Variants in PCSK5 observed in about 807,000 individuals in gnomAD.
PCSK5 encodes the protein prohormone convertase 5.
In PCSK5, 129 loss-of-function variants were observed where a neutral mutation model predicts 233.2. The observed-to-expected ratio is 0.55, with a 90% confidence interval of 0.48 to 0.64. The LOEUF (loss-of-function observed/expected upper bound fraction) is 0.64, where lower values mean the gene tolerates loss of function less well. PCSK5 is among the 30% of genes least tolerant of loss of function. The pLI is 0.00. For missense variants in PCSK5, 2,076 were observed against 2,430.1 expected (o/e 0.85, Z 3.06); for synonymous variants, 825 against 879.2 (o/e 0.94, Z 1.09).
chr9:75,916,642 G>A (rs919093962), intron 1 of PCSK5, among the ~76,000 whole-genome samples: 2 of 152,102 alleles, frequency 1.3e-5, no homozygotes, highest in Non-Finnish European at 2.9e-5. Flanking sequence ...CAGCAAGTGC[G>A]AGGGTTCTGA....
At chr9:75,968,463 C>T (rs572532604) in intron 2 of PCSK5, among the ~76,000 whole-genome samples, 2 of 152,306 alleles carry the variant, frequency 1.3e-5, no homozygotes, top group South Asian at 4.1e-4. Context: ...CCTCTTTCTT[C>T]CAGAGGAATA....
chr9:76,084,426 G>A (rs542850191), intron 7 of PCSK5, among the ~76,000 whole-genome samples: 14 of 152,248 alleles, frequency 9.2e-5, no homozygotes, highest in Admixed American at 2.6e-4. Flanking sequence ...GTAACTGTGT[G>A]GGCAATTTAA....
chr9:75,896,032 A>G (rs1242743319), intron 1 of PCSK5, among the ~76,000 whole-genome samples: 1 of 151,904 alleles, frequency 6.6e-6, no homozygotes, highest in East Asian at 1.9e-4. Flanking sequence ...TAAACAGGAG[A>G]GTTAGTTGGT....
At chr9:76,024,798 G>C (rs1426618906) in intron 4 of PCSK5, among the ~76,000 whole-genome samples, 1 of 152,222 alleles carries the variant, frequency 6.6e-6, no homozygotes, top group Non-Finnish European at 1.5e-5. Context: ...GTGGGTAAGA[G>C]AGAAAGCACG....
chr9:75,980,447 A>C (rs549827769), intron 2 of PCSK5, among the ~76,000 whole-genome samples: 1 of 152,160 alleles, frequency 6.6e-6, no homozygotes, highest in Admixed American at 6.5e-5. Flanking sequence ...TCATGACCAG[A>C]TGTTTTCTCT....
intron 15 of PCSK5, among the ~76,000 whole-genome samples, chr9:76,180,104 TACAC>T (rs1554701032): frequency 1.0e-4 from 15 of 144,896 alleles, no homozygotes; most frequent in Non-Finnish European, 2.1e-4. Flanking sequence ...TATATATATA[TACAC>T]ACACACACAT....
intron 5 of PCSK5, among the ~76,000 whole-genome samples, chr9:76,047,824 A>T (rs1829477032): frequency 6.6e-6 from 1 of 152,228 alleles, no homozygotes; most frequent in Non-Finnish European, 1.5e-5. Context: ...ATGAAAATTC[A>T]TGAGTTTATT....
intron 20 of PCSK5, among the ~76,000 whole-genome samples, chr9:76,214,010 A>G (rs1825425476): frequency 6.6e-6 from 1 of 152,048 alleles, no homozygotes; most frequent in East Asian, 1.9e-4. Flanking sequence ...TCATACAGTG[A>G]GGCCACGGAG....
chr9:76,030,695 T>A (rs944835424), intron 5 of PCSK5, among the ~76,000 whole-genome samples: 1 of 152,216 alleles, frequency 6.6e-6, no homozygotes, highest in Non-Finnish European at 1.5e-5. Flanking sequence ...TGTATTATAA[T>A]ACAGACTATA....
intron 10 of PCSK5, among the ~76,000 whole-genome samples, chr9:76,148,359 CT>C (rs1232680632): frequency 7.5e-6 from 1 of 133,510 alleles, no homozygotes; most frequent in Non-Finnish European, 1.5e-5. Flanking sequence ...CTCCCTCTCT[CT>C]CCCTCTCTCT....
At position 76,161,728 on chromosome 9, in the gene PCSK5, C is replaced by A. The variant is rs375108776; in HGVS notation, c.1619+2557C>A. Among the ~76,000 whole-genome samples the A allele has an allele frequency of 2.3e-4, 35 of 152,356 alleles. 1 individual carries two copies. Among genetic ancestry groups the A allele is most frequent in the African/African-American group, 7.5e-4 (31 of 41,586 alleles). On this transcript the variant is annotated intron_variant, in intron 12 of 37. Coordinates refer to ENST00000674117, the MANE Select transcript of PCSK5 (RefSeq NM_001372043.1). The stretch of plus-strand genomic sequence containing the variant: ...AGCAGAGGAGCTATGGATTCCATCA[C>A]AGGCATTTGGTGGATTGCAGTGTTG...
intron 27 of PCSK5, among the ~76,000 whole-genome samples, chr9:76,298,956 A>T (rs1828526430): frequency 6.6e-6 from 1 of 152,214 alleles, no homozygotes; most frequent in Non-Finnish European, 1.5e-5. Context: ...TCCCCAGTGG[A>T]AACAATAAGA....
At chr9:76,273,933 C>G (rs987813082) in intron 24 of PCSK5, among the ~76,000 whole-genome samples, 1 of 151,314 alleles carries the variant, frequency 6.6e-6, no homozygotes, top group African/African-American at 2.4e-5. Context: ...CCAGCATGAG[C>G]CACTGTGCCC....
intron 28 of PCSK5, among the ~76,000 whole-genome samples, chr9:76,307,843 G>C (rs543568042): frequency 4.0e-5 from 6 of 151,670 alleles, no homozygotes; most frequent in African/African-American, 1.5e-4. Context: ...AAAAAAAAAA[G>C]AAAAGAAGTT....
At chr9:75,911,043 C>A (rs1822704128) in intron 1 of PCSK5, among the ~76,000 whole-genome samples, 1 of 152,070 alleles carries the variant, frequency 6.6e-6, no homozygotes, top group Non-Finnish European at 1.5e-5. Flanking sequence ...GATTTGCGAT[C>A]TGTTAAAAAT....
At chr9:76,213,773 C>G (rs904831221) in intron 20 of PCSK5, among the ~76,000 whole-genome samples, 1 of 152,104 alleles carries the variant, frequency 6.6e-6, no homozygotes, top group East Asian at 1.9e-4. Flanking sequence ...TTCTCTCGAA[C>G]TCAGTTTCTA....
rs1039832143 is a variant in PCSK5 at position 76,175,305 on chromosome 9, T to C, written c.1900+176T>C. On this transcript the variant is annotated intron_variant, in intron 14 of 37. Coordinates refer to ENST00000674117, the MANE Select transcript of PCSK5 (RefSeq NM_001372043.1). ...TCGAATCGAATCGAATAGAATAGAATAGAATAGAACAGAACAGAATAGAAT... is the reference window on the plus strand; with the variant it reads ...TCGAATCGAATCGAATAGAATAGAACAGAATAGAACAGAACAGAATAGAAT... 6.7e-4 allele frequency: 389 copies of C among 578,620 alleles called. 2 individuals are homozygous for C. Among genetic ancestry groups the C allele is most frequent in the South Asian group, 2.0e-3 (94 of 47,070 alleles). The allele number at this position is 578,620 out of a possible 1,614,324, so 35.8% of individuals were successfully genotyped here.
intron 30 of PCSK5, among the ~76,000 whole-genome samples, chr9:76,318,663 A>T (rs972255105): frequency 6.6e-6 from 1 of 152,148 alleles, no homozygotes; most frequent in Non-Finnish European, 1.5e-5. Flanking sequence ...GATTTGCACA[A>T]ACACGCTGGT....
At position 76,339,775 on chromosome 9, in the gene PCSK5, C is replaced by G. The variant is rs540442094; in HGVS notation, c.4966+1328C>G. Among the ~76,000 whole-genome samples, 15 of 152,232 alleles carry G rather than the reference C, an allele frequency of 9.9e-5. No individual in the cohort carries two copies. The South Asian group carries it at 2.9e-3, about 29-fold the overall frequency. On this transcript the variant is annotated intron_variant, in intron 35 of 37. Coordinates refer to ENST00000674117, the MANE Select transcript of PCSK5 (RefSeq NM_001372043.1). Reference sequence around the variant, plus strand: ...GATCAGGCTGGTCTCGAACTCCTGACCTCATGATCCGCCCGCCTCAACCTC... The same window carrying G: ...GATCAGGCTGGTCTCGAACTCCTGAGCTCATGATCCGCCCGCCTCAACCTC...
Sources: gnomAD v4.1 joint callset for allele counts (sites outside exome capture counted in the v4.1 genomes callset) on GRCh38, gnomAD v4.1.1 for gene constraint, MANE v1.5 for transcripts, NCBI Gene and HGNC (gene_info 2026-07-23, HGNC 2026-07-21) for gene names.